ADGRA3: variants seen among roughly 807,000 people sequenced by gnomAD.
The protein encoded by ADGRA3 is adhesion G protein-coupled receptor A3, also known as G-protein coupled receptor 125.
Under a neutral mutation model 119.8 loss-of-function variants are expected in ADGRA3, and 56 were observed. The ratio of observed to expected loss-of-function variants is 0.47; its 90% CI spans 0.38 to 0.58. ADGRA3 has a LOEUF of 0.58. Ranked by LOEUF, ADGRA3 falls within the 20% of genes least tolerant of loss-of-function variation. The pLI is 0.00. For missense variants in ADGRA3, 1,516 were observed against 1,649.0 expected (o/e 0.92, Z 1.40); for synonymous variants, 607 against 623.8 (o/e 0.97, Z 0.40).
Position 22,435,430 on chromosome 4 carries a change from G to T in ADGRA3, c.1324C>A (p.Arg442=), listed in dbSNP as rs1302310481. The change falls in exon 10 of 19, where the codon CGA becomes AGA. Residue 442 remains arginine, a synonymous_variant. Coordinates refer to ENST00000334304, the MANE Select transcript of ADGRA3 (RefSeq NM_145290.4). The part of the protein sequence containing the change: ...LNLTNAVATA[R]QLLAYTVEAA... ...TCCACAGTGTAAGCCAGTAACTGTC[G>T]AGCTGTTGCCACGGCATTGGTAAGA... 2 of 1,607,096 alleles carry T rather than the reference G, an allele frequency of 1.2e-6. No individual in the cohort carries two copies. The highest frequency in any genetic ancestry group is 1.3e-5 in the African/African-American group (1 of 74,834).
intron 6 of ADGRA3, among the ~76,000 whole-genome samples, 162 bp downstream of exon 6, chr4:22,444,811 G>A (rs1258680557): frequency 5.3e-5 from 8 of 152,094 alleles, no homozygotes; most frequent in Non-Finnish European, 8.8e-5. Flanking sequence ...AATCTAGCTG[G>A]CTTAATCGTT....
chr4:22,438,151 G>T, intron 8 of ADGRA3, 105 bp downstream of exon 8: 1 of 821,904 alleles, frequency 1.2e-6, no homozygotes, highest in Non-Finnish European at 2.0e-6. Context: ...GACATGTGCA[G>T]TTCTCAAATT....
intron 1 of ADGRA3, among the ~76,000 whole-genome samples, chr4:22,490,912 G>A (rs1254390171): frequency 1.3e-5 from 2 of 152,160 alleles, no homozygotes; most frequent in Admixed American, 1.3e-4. Flanking sequence ...GGCACAGGGA[G>A]TGAGCAGATC....
At chr4:22,471,868 G>A (rs1717868195) in intron 2 of ADGRA3, among the ~76,000 whole-genome samples, 1 of 152,076 alleles carries the variant, frequency 6.6e-6, no homozygotes, top group South Asian at 2.1e-4. Flanking sequence ...CACCCAAAAT[G>A]GCTAATTAAT....
intron 1 of ADGRA3, 45 bp downstream of exon 1, chr4:22,515,483 A>G (rs1481697707): frequency 1.6e-5 from 25 of 1,582,134 alleles, no homozygotes; most frequent in Non-Finnish European, 2.1e-5. Context: ...GAGAGATAAG[A>G]AAGAGCCGAG....
At chr4:22,427,225 AT>A (rs1377610830) in intron 10 of ADGRA3, among the ~76,000 whole-genome samples, 2 of 152,208 alleles carry the variant, frequency 1.3e-5, no homozygotes, top group Non-Finnish European at 2.9e-5. Context: ...TATTGATTTT[AT>A]TGTAAGGCAC....
intron 10 of ADGRA3, among the ~76,000 whole-genome samples, chr4:22,424,826 C>T (rs531512525): frequency 6.6e-6 from 1 of 152,172 alleles, no homozygotes; most frequent in African/African-American, 2.4e-5. Flanking sequence ...AATCCCAGCA[C>T]TTTGGGAGGC....
At chr4:22,430,259 T>C (rs1434813862) in intron 10 of ADGRA3, among the ~76,000 whole-genome samples, 2 of 152,176 alleles carry the variant, frequency 1.3e-5, no homozygotes, top group African/African-American at 4.8e-5. Flanking sequence ...GCTGAAAAGA[T>C]ACCCAAAAAT....
At chr4:22,414,079 T>C in intron 12 of ADGRA3, 1 of 319,424 alleles carries the variant, frequency 3.1e-6, no homozygotes, top group East Asian at 6.1e-5. Context: ...TTAACAAAGT[T>C]AATTTTCCCA....
intron 6 of ADGRA3, among the ~76,000 whole-genome samples, chr4:22,443,610 G>T (rs1716711141): frequency 6.6e-6 from 1 of 152,054 alleles, no homozygotes; most frequent in Non-Finnish European, 1.5e-5. Flanking sequence ...TAATAGAGAA[G>T]TTGTTAAACT....
chr4:22,439,839 C>A lies in ADGRA3; in HGVS notation c.921-1419G>T, dbSNP rs575203729. Among the ~76,000 whole-genome samples the A allele has an allele frequency of 1.5e-3, 227 of 152,238 alleles. 2 individuals carry two copies. The highest frequency in any genetic ancestry group is 5.2e-3 in the African/African-American group (215 of 41,552). ...CTGTCTTACTTCACTGACATAGTAA[C>A]TTTGTCATGGTGCCCCACCCCAGCT... On this transcript the variant is annotated intron_variant, in intron 7 of 18. Transcript: ENST00000334304.
chr4:22,460,206 C>T (rs540855234), intron 3 of ADGRA3, among the ~76,000 whole-genome samples: 1 of 152,280 alleles, frequency 6.6e-6, no homozygotes, highest in Non-Finnish European at 1.5e-5. Context: ...ATGATCTAAC[C>T]TGTTACAGCG....
intron 2 of ADGRA3, among the ~76,000 whole-genome samples, chr4:22,468,576 C>T (rs542344314): frequency 7.2e-4 from 109 of 152,132 alleles, no homozygotes; most frequent in African/African-American, 2.6e-3. Flanking sequence ...TGAGACCAGC[C>T]TGGCCAACGT....
At chr4:22,441,564 G>C (rs996185570) in intron 7 of ADGRA3, among the ~76,000 whole-genome samples, 3 of 152,038 alleles carry the variant, frequency 2.0e-5, no homozygotes, top group Admixed American at 6.6e-5. Flanking sequence ...GGCTCCGTGG[G>C]CCAGATTTGG....
chr4:22,425,699 G>C (rs1365831023), intron 10 of ADGRA3, among the ~76,000 whole-genome samples: 1 of 152,174 alleles, frequency 6.6e-6, no homozygotes, highest in Non-Finnish European at 1.5e-5. Context: ...CATCCCAGAA[G>C]ATCTCCGCTG....
intron 3 of ADGRA3, among the ~76,000 whole-genome samples, chr4:22,459,034 C>T (rs182451165): frequency 1.3e-5 from 2 of 152,240 alleles, no homozygotes; most frequent in East Asian, 3.9e-4. Context: ...CCTTTAACTC[C>T]TACCTTTCTT....
intron 1 of ADGRA3, among the ~76,000 whole-genome samples, chr4:22,487,781 G>A (rs1718482694): frequency 6.6e-6 from 1 of 152,144 alleles, no homozygotes; most frequent in Non-Finnish European, 1.5e-5. Context: ...AATTGAAGAT[G>A]CTTACTCAAA....
intron 16 of ADGRA3, among the ~76,000 whole-genome samples, chr4:22,397,538 G>A (rs1714414866): frequency 6.6e-6 from 1 of 152,032 alleles, no homozygotes; most frequent in South Asian, 2.1e-4. Context: ...AAGTTTCATA[G>A]GCAGTATGGA....
intron 11 of ADGRA3, among the ~76,000 whole-genome samples, chr4:22,423,684 T>A (rs942302328): frequency 1.3e-5 from 2 of 152,188 alleles, no homozygotes; most frequent in African/African-American, 4.8e-5. Context: ...TTCACAAGTG[T>A]TGGAAGGCAT....
Sources: gnomAD v4.1 joint callset for allele counts (sites outside exome capture counted in the v4.1 genomes callset) on GRCh38, gnomAD v4.1.1 for gene constraint, MANE v1.5 for transcripts, NCBI Gene and HGNC (gene_info 2026-07-23, HGNC 2026-07-21) for gene names.